The following ADGB variants were observed in gnomAD, a reference collection of about 807,000 sequenced individuals.
ADGB encodes the protein androglobin.
A neutral mutation model predicts 210.5 loss-of-function variants in ADGB; 172 were observed. The ratio of observed to expected loss-of-function variants is 0.82; its 90% CI spans 0.72 to 0.93. ADGB has a LOEUF of 0.93. Ranked by LOEUF, ADGB falls within the 40% of genes least tolerant of loss-of-function variation. ADGB has a pLI of 0.00. For synonymous variants in ADGB, 658 were observed against 662.7 expected (o/e 0.99, Z 0.11); for missense variants, 2,025 against 1,964.8 (o/e 1.03, Z -0.58).
At position 146,685,820 on chromosome 6, in the gene ADGB, G is replaced by C; in HGVS notation, c.1303G>C (p.Glu435Gln). The C allele has an allele frequency of 1.3e-6, 2 of 1,528,278 alleles. No homozygotes were observed. The highest frequency in any genetic ancestry group is 2.5e-5 in the South Asian group (2 of 81,526). The allele number at this position is 1,528,278 out of a possible 1,614,324, so 94.7% of individuals were successfully genotyped here. The change falls in exon 10 of 36, where the codon GAG becomes CAG. Residue 435 changes from glutamate (E) to glutamine (Q), a missense_variant. Transcript: ENST00000397944. ...YLFENKIFSL[E>Q]KMADSAEKLR... is the part of the protein sequence containing the mutation. ...GTTTGAAAACAAGATCTTTTCATTA[G>C]AGAAGATGGTAAGCATTCAAGCTTA...
At chr6:146,645,883 C>A (rs1299555714) in intron 3 of ADGB, among the ~76,000 whole-genome samples, 2 of 151,670 alleles carry the variant, frequency 1.3e-5, no homozygotes, top group African/African-American at 2.4e-5. Context: ...ATGAGCCATG[C>A]TTTTAAGTTA....
chr6:146,775,336 A>G (rs1022346651), intron 29 of ADGB, among the ~76,000 whole-genome samples: 2 of 152,158 alleles, frequency 1.3e-5, no homozygotes, highest in African/African-American at 4.8e-5. Context: ...TGTACAACTT[A>G]GGATATTTCT....
At chr6:146,805,794 T>C (rs1187216214) in intron 35 of ADGB, among the ~76,000 whole-genome samples, 2 of 152,212 alleles carry the variant, frequency 1.3e-5, no homozygotes, top group African/African-American at 4.8e-5. Flanking sequence ...TCACAATTAC[T>C]ACCCTCAAAA....
chr6:146,738,704 T>G (rs1467621058), intron 23 of ADGB, among the ~76,000 whole-genome samples: 2 of 151,998 alleles, frequency 1.3e-5, no homozygotes. Flanking sequence ...TGCCTCCGCC[T>G]CCCAAAGTGC....
In ADGB at chr6:146,783,627, GAA is replaced by G. The variant is rs532903171; in HGVS notation, c.4036-989_4036-988del. Among the ~76,000 whole-genome samples the G allele has an allele frequency of 1.8e-4, 28 of 152,292 alleles. No homozygotes were observed. The East Asian group carries it at 5.4e-3, about 29-fold the overall frequency. On this transcript the variant is annotated intron_variant, in intron 30 of 35. Transcript: ENST00000397944. ...ACCAGAATATTAGGGAAATATTGTA[GAA>G]AGCAAGGTCATTTGGTAACACTAAA...
intron 28 of ADGB, among the ~76,000 whole-genome samples, chr6:146,768,818 T>A (rs200143618): frequency 6.6e-6 from 1 of 151,592 alleles, no homozygotes; most frequent in Non-Finnish European, 1.5e-5. Flanking sequence ...TAGTGGCAGG[T>A]GTTGGTGGGG....
rs755131723 is a variant in ADGB at position 146,741,254 on chromosome 6, C to T, written c.3160C>T (p.Leu1054Phe). Residue 1054 changes from leucine to phenylalanine, a missense_variant, in exon 25 of 36, where the codon CTT (leucine) becomes TTT (phenylalanine). Leu to Phe is a conservative substitution (Grantham distance 22). Coordinates refer to ENST00000397944, the MANE Select transcript of ADGB (RefSeq NM_024694.4). ...GGTGTTCCAAAAAGTGGTGCCTTAT[C>T]TTTATACCAAGAATAAGGTAGGTAT... is the stretch of plus-strand genomic sequence containing the variant. ...PKVFQKVVPY[L>F]YTKNKKGYTF... 2.4e-4 allele frequency: 366 copies of T among 1,550,300 alleles called. No homozygotes were observed. The highest frequency in any genetic ancestry group is 5.0e-4 in the Middle Eastern group (3 of 5,970).
At chr6:146,771,779 A>G (rs1777656794) in intron 29 of ADGB, among the ~76,000 whole-genome samples, 1 of 152,248 alleles carries the variant, frequency 6.6e-6, no homozygotes, top group African/African-American at 2.4e-5. Flanking sequence ...AAGAATAAAG[A>G]AACAGCACAG....
intron 13 of ADGB, among the ~76,000 whole-genome samples, chr6:146,705,471 G>GT (rs1776556633): frequency 6.6e-6 from 1 of 152,058 alleles, no homozygotes; most frequent in South Asian, 2.1e-4. Context: ...AAGTTGAGAG[G>GT]TTTTTTAATC....
At chr6:146,620,168 T>C (rs992440561) in intron 1 of ADGB, among the ~76,000 whole-genome samples, 1 of 152,122 alleles carries the variant, frequency 6.6e-6, no homozygotes, top group Admixed American at 6.6e-5. Context: ...CCATTGAATG[T>C]GATATTTTTA....
At chr6:146,672,604 G>T in intron 8 of ADGB, 137 bp downstream of exon 8, 1 of 1,036,062 alleles carries the variant, frequency 9.7e-7, no homozygotes, top group Non-Finnish European at 1.3e-6. Context: ...CACACAGTAG[G>T]GAATTCAAGG....
intron 14 of ADGB, 94 bp from the exon 15 acceptor site, chr6:146,716,789 G>A (rs2114565571): frequency 8.2e-7 from 1 of 1,212,254 alleles, no homozygotes; most frequent in Non-Finnish European, 1.1e-6. Context: ...CCCAAAAATA[G>A]ACTTTGATAT....
At chr6:146,641,374 T>C (rs1775511248) in intron 2 of ADGB, among the ~76,000 whole-genome samples, 1 of 151,886 alleles carries the variant, frequency 6.6e-6, no homozygotes, top group Non-Finnish European at 1.5e-5. Context: ...CCAATGACAT[T>C]CTTCACAGAA....
At chr6:146,743,124 G>T (rs1777182823) in intron 25 of ADGB, among the ~76,000 whole-genome samples, 1 of 152,132 alleles carries the variant, frequency 6.6e-6, no homozygotes, top group South Asian at 2.1e-4. Flanking sequence ...GTTTGAGTTA[G>T]ACTTCCTTTT....
At chr6:146,606,183 A>G (rs1575374) in intron 1 of ADGB, among the ~76,000 whole-genome samples, 86,445 of 151,910 alleles carry the variant, frequency 0.57, 24,724 homozygotes, top group Admixed American at 0.64. Context: ...TAGTGATGTT[A>G]AATATTTTTT....
Position 146,795,004 on chromosome 6 carries a change from A to G in ADGB, c.4538-6179A>G, listed in dbSNP as rs1562303114. On this transcript the variant is annotated intron_variant, in intron 33 of 35. Transcript: ENST00000397944. The stretch of plus-strand genomic sequence containing the variant: ...GGAGTTTAAGAGAAATCTTGGAGAA[A>G]ACATTGTATGACCCCTATTCTGACC... Among the ~76,000 whole-genome samples, 3 of 111,914 alleles carry G rather than the reference A, an allele frequency of 2.7e-5. No individual in the cohort carries two copies. In the Admixed American group the frequency reaches 3.3e-4, roughly 12 times the overall value. 73.4% of individuals were successfully genotyped at this position (111,914 alleles called of 152,430 possible). A position where few individuals can be genotyped will look rare whatever the true frequency, so the allele number is the denominator to read the frequency against.
Position 146,769,071 on chromosome 6 carries a change from A to G in ADGB, c.3802A>G (p.Thr1268Ala). The change falls in exon 29 of 36, where the codon ACT becomes GCT. Residue 1268 changes from threonine (T) to alanine (A), a missense_variant. Coordinates refer to ENST00000397944, the MANE Select transcript of ADGB (RefSeq NM_024694.4). ...CSVLYNSWPLTESQLTFVQAL... is the reference protein window; with the variant it reads ...CSVLYNSWPLAESQLTFVQAL... The stretch of plus-strand genomic sequence containing the variant: ...GGTGTTGTATAACAGTTGGCCTCTC[A>G]CTGAAAGCCAGCTGACATTTGTTCA... 6.5e-7 allele frequency: 1 copy of G among 1,532,378 alleles called. No homozygotes were observed. Among genetic ancestry groups the G allele is most frequent in the South Asian group, 1.2e-5 (1 of 81,710 alleles). 94.9% of individuals were successfully genotyped at this position (1,532,378 alleles called of 1,614,324 possible). A position where few individuals can be genotyped will look rare whatever the true frequency, so the allele number is the denominator to read the frequency against.
chr6:146,745,366 C>T (rs1202986712), intron 25 of ADGB, among the ~76,000 whole-genome samples: 1 of 152,190 alleles, frequency 6.6e-6, no homozygotes, highest in Non-Finnish European at 1.5e-5. Flanking sequence ...ATAAAGTAAG[C>T]CATTCCCAGG....
intron 1 of ADGB, among the ~76,000 whole-genome samples, chr6:146,628,695 C>T (rs1292035070): frequency 1.3e-5 from 2 of 151,756 alleles, no homozygotes; most frequent in Admixed American, 6.6e-5. Context: ...CCCTTTCTTC[C>T]TTTTTTAACT....
Sources: allele counts gnomAD v4.1 joint callset (sites outside exome capture counted in the v4.1 genomes callset), GRCh38; gene constraint gnomAD v4.1.1; transcripts MANE v1.5; gene names NCBI Gene and HGNC (gene_info 2026-07-23, HGNC 2026-07-21).